The following CSMD3 variants were observed in gnomAD, a reference collection of about 807,000 sequenced individuals.
CSMD3 encodes the protein CUB and Sushi multiple domains 3.
CSMD3 carries 177 observed loss-of-function variants against 435.2 expected under a neutral mutation model. The observed-to-expected ratio is 0.41, with a 90% CI of 0.36 to 0.46. CSMD3 has a LOEUF of 0.46. CSMD3 is among the 20% of genes least tolerant of loss of function. The probability of loss-of-function intolerance (pLI) is 0.34; values close to 1 mark genes in which losing one functional copy is unlikely to be tolerated. For synonymous variants in CSMD3, 1,656 were observed against 1,520.5 expected (o/e 1.09, Z -2.07); for missense variants, 4,265 against 4,504.6 (o/e 0.95, Z 1.52).
Position 112,751,642 on chromosome 8 carries a change from T to A in CSMD3, c.1972+48520A>T, listed in dbSNP as rs867211178. On this transcript the variant is annotated intron_variant, in intron 13 of 70. Coordinates refer to ENST00000297405, the MANE Select transcript of CSMD3 (RefSeq NM_198123.2). ...AAGAAGTTTAGGTTTTTTTTTTTTT[T>A]TATATATTTTACCTATTCTCCTCTC... Among the ~76,000 whole-genome samples the A allele has an allele frequency of 1.2e-4, 17 of 143,676 alleles. 1 individual carries two copies. The highest frequency in any genetic ancestry group is 3.6e-3 in the Middle Eastern group (1 of 278). The allele number at this position is 143,676 out of a possible 152,430, so 94.3% of individuals were successfully genotyped here.
intron 4 of CSMD3, among the ~76,000 whole-genome samples, chr8:113,154,151 TG>T (rs1419557055): frequency 6.6e-6 from 1 of 152,054 alleles, no homozygotes; most frequent in African/African-American, 2.4e-5. Context: ...TGTACAGAGA[TG>T]AGTAAGTTAT....
intron 10 of CSMD3, among the ~76,000 whole-genome samples, chr8:112,873,430 A>G (rs2130079715): frequency 6.6e-6 from 1 of 152,154 alleles, no homozygotes; most frequent in East Asian, 1.9e-4. Flanking sequence ...TTCCTTCATC[A>G]GAAATATTGT....
intron 13 of CSMD3, among the ~76,000 whole-genome samples, chr8:112,696,182 T>A (rs2076250748): frequency 6.6e-6 from 1 of 152,160 alleles, no homozygotes; most frequent in East Asian, 1.9e-4. Flanking sequence ...GCCATCCTCA[T>A]CAAGCTACCA....
intron 27 of CSMD3, among the ~76,000 whole-genome samples, chr8:112,519,691 C>T (rs757584382): frequency 2.0e-5 from 3 of 152,164 alleles, no homozygotes; most frequent in African/African-American, 4.8e-5. Flanking sequence ...AGCTGCCTCT[C>T]GATTCACAGG....
intron 1 of CSMD3, among the ~76,000 whole-genome samples, chr8:113,379,871 A>T (rs1490482033): frequency 1.3e-5 from 2 of 152,180 alleles, no homozygotes; most frequent in Non-Finnish European, 2.9e-5. Flanking sequence ...TTTGCACTAG[A>T]GTACACCCTT....
intron 1 of CSMD3, among the ~76,000 whole-genome samples, chr8:113,338,179 C>T (rs1167873491): frequency 2.6e-5 from 4 of 151,750 alleles, no homozygotes; most frequent in Non-Finnish European, 4.4e-5. Flanking sequence ...TGAAAAGATG[C>T]TTAAAAATAA....
intron 22 of CSMD3, among the ~76,000 whole-genome samples, chr8:112,634,331 A>G (rs947290609): frequency 6.6e-6 from 1 of 152,054 alleles, no homozygotes; most frequent in Non-Finnish European, 1.5e-5. Flanking sequence ...AGCATAAGCA[A>G]AGCAGTAAAG....
intron 59 of CSMD3, among the ~76,000 whole-genome samples, chr8:112,268,686 C>A (rs1448493966): frequency 6.6e-6 from 1 of 152,152 alleles, no homozygotes; most frequent in Non-Finnish European, 1.5e-5. Flanking sequence ...CTGTTACAGA[C>A]AATGCAGCAA....
chr8:112,829,257 C>T (rs2079791956), intron 12 of CSMD3, among the ~76,000 whole-genome samples: 2 of 152,044 alleles, frequency 1.3e-5, no homozygotes, highest in South Asian at 2.1e-4. Context: ...TCACTAAGTT[C>T]GGCTTGAGGG....
rs1414064917 is a variant in CSMD3 at position 112,885,629 on chromosome 8, A to G, written c.1634-26363T>C. 3.3e-5 allele frequency among the ~76,000 whole-genome samples: 5 copies of G among 151,740 alleles called. No individual in the cohort carries two copies. In the East Asian group the frequency reaches 7.8e-4, roughly 24 times the overall value. On this transcript the variant is annotated intron_variant, in intron 10 of 70. Transcript: ENST00000297405. ...GCTTTAAAAAACACTGTGTAATAAA[A>G]GTTTGCTGTATAACCACAATTAATG...
chr8:112,975,556 C>G (rs1201086348), intron 7 of CSMD3, among the ~76,000 whole-genome samples: 1 of 152,056 alleles, frequency 6.6e-6, no homozygotes, highest in East Asian at 1.9e-4. Context: ...GTATTTGGTA[C>G]TTGTTTTTAC....
chr8:112,255,635 C>A, intron 61 of CSMD3: 1 of 551,134 alleles, frequency 1.8e-6, no homozygotes, highest in Non-Finnish European at 3.2e-6. Context: ...AAAATTAGCT[C>A]GATTTCGATG....
intron 13 of CSMD3, among the ~76,000 whole-genome samples, chr8:112,692,094 C>T (rs548822322): frequency 1.3e-5 from 2 of 152,138 alleles, no homozygotes; most frequent in East Asian, 1.9e-4. Flanking sequence ...TGAGCCACTG[C>T]GCCCGGCAAA....
At chr8:112,635,314 A>G (rs1195022742) in intron 22 of CSMD3, among the ~76,000 whole-genome samples, 2 of 152,196 alleles carry the variant, frequency 1.3e-5, no homozygotes, top group East Asian at 1.9e-4. Context: ...TTTGCTGATG[A>G]GAAAAATGAA....
intron 38 of CSMD3, among the ~76,000 whole-genome samples, chr8:112,353,484 T>G (rs1393224042): frequency 6.6e-6 from 1 of 152,198 alleles, no homozygotes; most frequent in Admixed American, 6.5e-5. Context: ...GATAAGGAGA[T>G]AACAATGTAA....
intron 4 of CSMD3, among the ~76,000 whole-genome samples, chr8:113,100,005 A>C (rs1282379887): frequency 1.3e-5 from 2 of 152,104 alleles, no homozygotes; most frequent in African/African-American, 2.4e-5. Flanking sequence ...TCCAGAACCT[A>C]AACAAATGGA....
chr8:113,243,701 G>A (rs931080448), intron 3 of CSMD3, among the ~76,000 whole-genome samples: 4 of 152,058 alleles, frequency 2.6e-5, no homozygotes, highest in African/African-American at 9.7e-5. Context: ...GTTTTCCAAA[G>A]TGGCTACAAC....
intron 10 of CSMD3, among the ~76,000 whole-genome samples, chr8:112,862,393 T>C (rs1285252628): frequency 1.3e-5 from 2 of 152,016 alleles, no homozygotes; most frequent in African/African-American, 4.8e-5. Context: ...GTTTTTTTCT[T>C]TTGCAGATTT....
chr8:112,313,099 A>G (rs1273642582), intron 49 of CSMD3, among the ~76,000 whole-genome samples: 3 of 152,190 alleles, frequency 2.0e-5, no homozygotes, highest in Non-Finnish European at 2.9e-5. Flanking sequence ...GGCAGTAAAG[A>G]AAAGGAACAT....
Sources: gnomAD v4.1 joint callset for allele counts (sites outside exome capture counted in the v4.1 genomes callset) on GRCh38, gnomAD v4.1.1 for gene constraint, MANE v1.5 for transcripts, NCBI Gene and HGNC (gene_info 2026-07-23, HGNC 2026-07-21) for gene names.